Variants in TRPM5 observed in about 807,000 individuals in gnomAD.
The protein encoded by TRPM5 is transient receptor potential cation channel subfamily M member 5.
In TRPM5, 121 loss-of-function variants were observed where a neutral mutation model predicts 124.9. The ratio of observed to expected loss-of-function variants is 0.97; its 90% CI spans 0.84 to 1.13. TRPM5 has a LOEUF of 1.13. TRPM5 is among the 50% of genes most tolerant of loss of function. TRPM5 has a pLI of 0.00. For missense variants in TRPM5, 1,643 were observed against 1,589.1 expected (o/e 1.03, Z -0.58); for synonymous variants, 781 against 700.5 (o/e 1.11, Z -1.81).
At chr11:2,429,990 G>A in the TRPM5 span, among the ~76,000 whole-genome samples, 3,461 of 143,522 alleles carry the variant, frequency 0.024, 63 homozygotes, top group Middle Eastern at 0.051. This position sits in a 1 kb window ranked among gnomAD's most constrained non-coding sequence, Gnocchi z 8.4. Flanking sequence ...AGTCTATGGA[G>A]TTGGGGGGCA....
In TRPM5 at chr11:2,416,042, A is replaced by C; in HGVS notation, c.1010-18T>G. ...CTTGCAGGCTGTGGGCAGAGCAGGCAGGCACTGGTGAGGGTGGAGCTGAGG... is the reference window on the plus strand; with the variant it reads ...CTTGCAGGCTGTGGGCAGAGCAGGCCGGCACTGGTGAGGGTGGAGCTGAGG... On this transcript the variant is annotated intron_variant, in intron 7 of 23. Coordinates refer to ENST00000155858, the Ensembl canonical transcript of TRPM5. The C allele has an allele frequency of 6.3e-7, 1 of 1,582,080 alleles. No individual in the cohort carries two copies. Among genetic ancestry groups the C allele is most frequent in the Non-Finnish European group, 8.6e-7 (1 of 1,159,702 alleles).
intron 5 of TRPM5, 26 bp downstream of exon 10, chr11:2,418,501 C>G (rs375736221): frequency 6.2e-7 from 1 of 1,603,032 alleles, no homozygotes; most frequent in African/African-American, 1.3e-5. Flanking sequence ...CTTCGGCCAG[C>G]CAGGGGGCCT....
chr11:2,417,705 T>TTG, intron 7 of TRPM5, 22 bp downstream of exon 12: 1 of 1,140,678 alleles, frequency 8.8e-7, no homozygotes, highest in Non-Finnish European at 1.3e-6. Flanking sequence ...GCGCCTGCCT[T>TTG]GCCCACCCTG....
At chr11:2,413,443 G>A (rs1486977512) in intron 13 of TRPM5, 33 bp downstream of exon 18, 1 of 1,576,146 alleles carries the variant, frequency 6.3e-7, no homozygotes, top group South Asian at 1.1e-5. Flanking sequence ...ACTGCTGCCT[G>A]TCCTGGCCGG....
Position 2,415,245 on chromosome 11 carries a change from C to T in TRPM5, c.1355G>A (p.Arg452Gln), listed in dbSNP as rs377695084. ...GGCCGGTGGCCCCGCGGGTGGCTCC[C>T]GGGCCTGCTGGGTGCCCAGGCCGGC... is the stretch of plus-strand genomic sequence containing the variant. The change falls in exon 9 of 24, where the codon CGG (arginine) becomes CAG (glutamine). Residue 452 changes from arginine (R) to glutamine (Q), a missense_variant. Coordinates refer to ENST00000155858, the Ensembl canonical transcript of TRPM5. 4.0e-5 allele frequency: 63 copies of T among 1,570,812 alleles called. No individual in the cohort carries two copies. The highest frequency in any genetic ancestry group is 1.7e-4 in the Middle Eastern group (1 of 5,992).
chr11:2,428,819 A>G, the TRPM5 span, among the ~76,000 whole-genome samples: 2 of 145,534 alleles, frequency 1.4e-5, no homozygotes, highest in East Asian at 4.1e-4. The surrounding 1 kb of genome is among the most constrained non-coding windows in gnomAD (Gnocchi z 4.0). Context: ...TGTGGTGGGG[A>G]TAATGGTGGT....
In TRPM5 at chr11:2,422,633, C is replaced by T. The variant is rs1052931808; in HGVS notation, c.117+287G>A. On this transcript the variant is annotated intron_variant, in intron 1 of 23. Transcript: ENST00000155858. ...TGGGCTGGCATCCCCCTCAGTGAGC[C>T]GAGGGCGCTGGACAGAGGTGGGGCC... Among the ~76,000 whole-genome samples the T allele has an allele frequency of 4.0e-5, 6 of 151,356 alleles. 1 individual carries two copies. The highest frequency in any genetic ancestry group is 2.6e-4 in the Admixed American group (4 of 15,172).
the TRPM5 span, among the ~76,000 whole-genome samples, chr11:2,430,405 G>A: frequency 5.9e-5 from 9 of 152,240 alleles, no homozygotes; most frequent in South Asian, 4.1e-4. Flanking sequence ...CTCTTTCCTC[G>A]GTAAATTACT....
chr11:2,404,567 G>A, exon 24 of TRPM5: 1 of 216,810 alleles, frequency 4.6e-6, no homozygotes, highest in Admixed American at 5.8e-5. Flanking sequence ...GGCAGGGGTG[G>A]GTGCAGACCC....
the TRPM5 span, among the ~76,000 whole-genome samples, chr11:2,428,653 G>A: frequency 6.6e-6 from 1 of 151,936 alleles, no homozygotes; most frequent in Non-Finnish European, 1.5e-5. The surrounding 1 kb of genome is among the most constrained non-coding windows in gnomAD (Gnocchi z 4.0). Context: ...GATAGTGATG[G>A]TGATGGTGGT....
At chr11:2,414,770 C>A in exon 11 of TRPM5, 1 of 1,555,906 alleles carries the variant, frequency 6.4e-7, no homozygotes, top group South Asian at 1.2e-5. Context: ...CCTCGGCCTC[C>A]GTCTCCAGGT....
chr11:2,412,443 C>T (rs190161146), intron 15 of TRPM5, among the ~76,000 whole-genome samples, 190 bp from the exon 21 acceptor site: 95 of 152,162 alleles, frequency 6.2e-4, no homozygotes, highest in Non-Finnish European at 1.3e-3. Context: ...GGTCAGTCTC[C>T]ACTTGGGGCC....
chr11:2,416,932 A>G (rs1845696065), intron 7 of TRPM5, among the ~76,000 whole-genome samples: 1 of 152,220 alleles, frequency 6.6e-6, no homozygotes, highest in Admixed American at 6.5e-5. Context: ...ATGGAATGGC[A>G]TACGCTTCAA....
rs939394952 is a variant in TRPM5, at chr11:2,421,105, TTGG to T, written c.389_391del (p.Thr130del). 1.9e-6 allele frequency: 3 copies of T among 1,547,496 alleles called. No homozygotes were observed. In the African/African-American group the frequency reaches 4.1e-5, roughly 21 times the overall value. On this transcript the variant is annotated inframe_deletion, in exon 3 of 24. Coordinates refer to ENST00000155858, the Ensembl canonical transcript of TRPM5. ...CATGCCGACAGCAACCACACGGACC[TTGG>T]TGGACGTGCTGGCCAGCGAGTGGTC...
chr11:2,407,077 CCT>C, intron 20 of TRPM5, 40 bp downstream of exon 25: 2 of 1,527,836 alleles, frequency 1.3e-6, no homozygotes, highest in Non-Finnish European at 1.7e-6. Flanking sequence ...GGACCCGCCA[CCT>C]CGGCCTCACC....
intron 19 of TRPM5, 121 bp downstream of exon 24, chr11:2,407,638 G>A (rs531732399): frequency 1.5e-6 from 2 of 1,325,438 alleles, no homozygotes; most frequent in Non-Finnish European, 1.0e-6. Context: ...TATCTGCCCT[G>A]AGGCACCAAG....
intron 18 of TRPM5, 31 bp from the exon 24 acceptor site, chr11:2,407,943 C>T: frequency 6.2e-7 from 1 of 1,606,284 alleles, no homozygotes. Flanking sequence ...GGGGACCAGA[C>T]CGGGGGCAGC....
upstream of TRPM5, among the ~76,000 whole-genome samples, chr11:2,424,974 A>C (rs1446375960): frequency 1.3e-5 from 2 of 152,200 alleles, no homozygotes; most frequent in Non-Finnish European, 2.9e-5. Context: ...CTGTCCCTGC[A>C]GGGTGATGCA....
chr11:2,435,760 C>T, the TRPM5 span, among the ~76,000 whole-genome samples: 14 of 152,122 alleles, frequency 9.2e-5, no homozygotes, highest in East Asian at 2.7e-3. The surrounding 1 kb of genome is among the most constrained non-coding windows in gnomAD (Gnocchi z 4.1). Context: ...TGTCCACCCA[C>T]CCACCCATCC....
Sources: allele counts gnomAD v4.1 joint callset (sites outside exome capture counted in the v4.1 genomes callset), GRCh38; gene constraint gnomAD v4.1.1; non-coding constraint Gnocchi (gnomAD v3.1); transcripts MANE v1.5; gene names NCBI Gene and HGNC (gene_info 2026-07-23, HGNC 2026-07-21).